The following XKR4 variants were observed in gnomAD, a reference collection of about 807,000 sequenced individuals.
XKR4 encodes the protein XK-related protein 4.
XKR4 carries 12 observed loss-of-function variants against 53.9 expected under a neutral mutation model. The observed-to-expected ratio is 0.22, with a 90% confidence interval of 0.14 to 0.36. The LOEUF (loss-of-function observed/expected upper bound fraction) is 0.36, where lower values mean the gene tolerates loss of function less well. Ranked by LOEUF, XKR4 falls within the 10% of genes least tolerant of loss-of-function variation. The pLI is 1.00. For synonymous variants in XKR4, 354 were observed against 362.4 expected (o/e 0.98, Z 0.26); for missense variants, 799 against 859.5 (o/e 0.93, Z 0.88).
intron 1 of XKR4, among the ~76,000 whole-genome samples, chr8:55,246,816 C>T (rs1057027178): frequency 3.0e-4 from 45 of 151,724 alleles, no homozygotes; most frequent in African/African-American, 1.1e-3. Flanking sequence ...CTTTTAGCCA[C>T]AAAACTTCCT....
At chr8:55,175,902 C>A (rs1486967035) in intron 1 of XKR4, among the ~76,000 whole-genome samples, 1 of 152,112 alleles carries the variant, frequency 6.6e-6, no homozygotes, top group Non-Finnish European at 1.5e-5. Context: ...GGATGTAAGA[C>A]CCATCAGACT....
At chr8:55,146,048 T>C (rs4737902) in intron 1 of XKR4, among the ~76,000 whole-genome samples, 85,480 of 152,118 alleles carry the variant, frequency 0.56, 24,445 homozygotes, top group South Asian at 0.7. Context: ...CAAATGGGAA[T>C]TATGAAATGA....
intron 1 of XKR4, among the ~76,000 whole-genome samples, chr8:55,329,551 C>T (rs1264225795): frequency 6.6e-6 from 1 of 152,088 alleles, no homozygotes; most frequent in African/African-American, 2.4e-5. Context: ...AAGTAATACA[C>T]TAAATAAAAG....
chr8:55,243,151 T>A (rs73600952), intron 1 of XKR4, among the ~76,000 whole-genome samples: 3,366 of 152,294 alleles, frequency 0.022, 135 homozygotes, highest in African/African-American at 0.076. Context: ...TCCAGAGGAA[T>A]ACATTTGTTA....
chr8:55,201,912 G>A (rs1188770160), intron 1 of XKR4, among the ~76,000 whole-genome samples: 1 of 152,206 alleles, frequency 6.6e-6, no homozygotes, highest in Admixed American at 6.5e-5. Flanking sequence ...TTTGAGAAAT[G>A]TGTTATTAAA....
At chr8:55,495,034 G>A (rs570824597) in intron 2 of XKR4, among the ~76,000 whole-genome samples, 1 of 150,680 alleles carries the variant, frequency 6.6e-6, no homozygotes, top group African/African-American at 2.4e-5. Context: ...CCAGCACCAG[G>A]CTGTCCTCAA....
At chr8:55,333,691 G>A (rs2129381044) in intron 1 of XKR4, among the ~76,000 whole-genome samples, 1 of 152,166 alleles carries the variant, frequency 6.6e-6, no homozygotes, top group Non-Finnish European at 1.5e-5. Context: ...TGCCACTTTT[G>A]GAAGTCTGAG....
At chr8:55,172,744 A>T (rs905316489) in intron 1 of XKR4, among the ~76,000 whole-genome samples, 1 of 152,246 alleles carries the variant, frequency 6.6e-6, no homozygotes, top group Non-Finnish European at 1.5e-5. Flanking sequence ...TATCATAGCC[A>T]CAAAGACCAT....
rs569935662 is a variant in XKR4, at chr8:55,335,065, T to C, written c.807-22613T>C. ...TCTACTGCTATTAACTCTGGAAAAA[T>C]TTTAGACAACATAGGGCCTGGATTG... On this transcript the variant is annotated intron_variant, in intron 1 of 2. Coordinates refer to ENST00000327381, the MANE Select transcript of XKR4 (RefSeq NM_052898.2). Among the ~76,000 whole-genome samples the C allele has an allele frequency of 2.0e-5, 3 of 152,254 alleles. No homozygotes were observed. In the East Asian group the frequency reaches 5.8e-4, roughly 29 times the overall value.
chr8:55,250,199 A>G (rs914267160), intron 1 of XKR4, among the ~76,000 whole-genome samples: 1 of 152,218 alleles, frequency 6.6e-6, no homozygotes, highest in Non-Finnish European at 1.5e-5. Flanking sequence ...AACTTCCGAG[A>G]CAGCTAAAGG....
chr8:55,286,576 G>A (rs910709004), intron 1 of XKR4, among the ~76,000 whole-genome samples: 1 of 152,126 alleles, frequency 6.6e-6, no homozygotes, highest in African/African-American at 2.4e-5. Flanking sequence ...TGGAGAGGGA[G>A]CGCCCTCCAG....
chr8:55,230,753 T>A (rs1344102818), intron 1 of XKR4, among the ~76,000 whole-genome samples: 1 of 152,178 alleles, frequency 6.6e-6, no homozygotes, highest in Non-Finnish European at 1.5e-5. Flanking sequence ...TAATAATAAC[T>A]GGAAATAATG....
intron 2 of XKR4, among the ~76,000 whole-genome samples, chr8:55,515,902 C>T (rs778909951): frequency 7.2e-5 from 11 of 152,148 alleles, no homozygotes; most frequent in Non-Finnish European, 1.3e-4. Context: ...TTTGAGATGT[C>T]CCTGCACTTG....
chr8:55,474,956 A>G (rs1182226106), intron 2 of XKR4, among the ~76,000 whole-genome samples: 4 of 152,192 alleles, frequency 2.6e-5, no homozygotes, highest in Admixed American at 2.0e-4. Context: ...GTTCCAGAAT[A>G]TTAAAGAAAC....
At chr8:55,335,677 G>A (rs1378949431) in intron 1 of XKR4, among the ~76,000 whole-genome samples, 1 of 152,128 alleles carries the variant, frequency 6.6e-6, no homozygotes, top group Non-Finnish European at 1.5e-5. Context: ...CAATCCAAAT[G>A]TCCTACAAAG....
chr8:55,115,746 TAC>T (rs1491256504), intron 1 of XKR4, among the ~76,000 whole-genome samples: 1 of 152,004 alleles, frequency 6.6e-6, no homozygotes, highest in East Asian at 1.9e-4. Context: ...CATGCCACTG[TAC>T]TCCAGCCTGG....
chr8:55,366,621 T>A (rs1803992689), intron 2 of XKR4, among the ~76,000 whole-genome samples: 1 of 152,236 alleles, frequency 6.6e-6, no homozygotes, highest in African/African-American at 2.4e-5. Context: ...TCCAATGGTC[T>A]GACTCCAGTA....
intron 1 of XKR4, among the ~76,000 whole-genome samples, chr8:55,159,863 T>C (rs1816960697): frequency 6.6e-6 from 1 of 152,236 alleles, no homozygotes; most frequent in Non-Finnish European, 1.5e-5. Context: ...CCTGGCTGCA[T>C]AGCATCGCAT....
intron 1 of XKR4, among the ~76,000 whole-genome samples, chr8:55,293,906 T>C (rs1358415390): frequency 6.6e-6 from 1 of 152,242 alleles, no homozygotes; most frequent in Non-Finnish European, 1.5e-5. Context: ...TTTATTTATA[T>C]CTGCATTTAA....
Sources: allele counts gnomAD v4.1 joint callset (sites outside exome capture counted in the v4.1 genomes callset), GRCh38; gene constraint gnomAD v4.1.1; transcripts MANE v1.5; gene names NCBI Gene and HGNC (gene_info 2026-07-23, HGNC 2026-07-21).